The following ARHGEF17 variants were observed in gnomAD, a reference collection of about 807,000 sequenced individuals.
ARHGEF17 encodes Rho guanine nucleotide exchange factor 17.
Under a neutral mutation model 174.0 loss-of-function variants are expected in ARHGEF17, and 80 were observed. The ratio of observed to expected loss-of-function variants is 0.46; its 90% CI spans 0.38 to 0.55. ARHGEF17 has a LOEUF of 0.55. Ranked by LOEUF, ARHGEF17 falls within the 20% of genes least tolerant of loss-of-function variation. The probability of loss-of-function intolerance (pLI) is 0.00; values close to 1 mark genes in which losing one functional copy is unlikely to be tolerated. For missense variants in ARHGEF17, 2,886 were observed against 2,839.7 expected, an observed-to-expected ratio of 1.02 and a Z score of -0.37; for synonymous variants, 1,311 against 1,189.1, an observed-to-expected ratio of 1.10 and a Z score of -2.11.
At chr11:73,328,989 A>AG (rs1191292521) in intron 1 of ARHGEF17, among the ~76,000 whole-genome samples, 6 of 152,252 alleles carry the variant, frequency 3.9e-5, no homozygotes, top group Non-Finnish European at 7.4e-5. Flanking sequence ...ATGAGACGTG[A>AG]GGCTGGAGTG....
intron 7 of ARHGEF17, 62 bp from the exon 8 acceptor site, chr11:73,356,963 G>A: frequency 6.4e-7 from 1 of 1,568,304 alleles, no homozygotes; most frequent in South Asian, 1.1e-5. Context: ...GGGCACTATG[G>A]GCAGGGGGGT....
intron 3 of ARHGEF17, among the ~76,000 whole-genome samples, chr11:73,355,076 GC>G (rs1031673892): frequency 7.2e-5 from 11 of 152,250 alleles, no homozygotes; most frequent in African/African-American, 2.7e-4. Flanking sequence ...CAGCCCTGAG[GC>G]GGGGCGAGAT....
rs1400290920 is a variant in ARHGEF17 at position 73,356,327 on chromosome 11, G to T, written c.3816G>T (p.Glu1272Asp). 1.2e-6 allele frequency: 2 copies of T among 1,611,988 alleles called. No homozygotes were observed. Among genetic ancestry groups the T allele is most frequent in the Non-Finnish European group, 1.7e-6 (2 of 1,180,014 alleles). The change falls in exon 6 of 21, where the codon GAG becomes GAT. Residue 1272 changes from glutamate (E) to aspartate (D), a missense_variant. Coordinates refer to ENST00000263674, the MANE Select transcript of ARHGEF17 (RefSeq NM_014786.4). ...ATGCCCGTGTGCTGCAGGAGATAGA[G>T]GCTCACATCGAGGGCATGGAGGATG... ...ERHARVLQEI[E>D]AHIEGMEDLQ...
At chr11:73,363,594 G>T in intron 15 of ARHGEF17, 139 bp downstream of exon 15, 1 of 1,484,996 alleles carries the variant, frequency 6.7e-7, no homozygotes, top group Non-Finnish European at 9.1e-7. Context: ...GATGTCAGTG[G>T]GTCTGACAAT....
At chr11:73,319,354 G>GC (rs1864978741) in intron 1 of ARHGEF17, among the ~76,000 whole-genome samples, 1 of 151,988 alleles carries the variant, frequency 6.6e-6, no homozygotes, top group Admixed American at 6.5e-5. Flanking sequence ...GAGCCACTGC[G>GC]CCCGGCCTCC....
chr11:73,338,944 G>A (rs1186564118), intron 1 of ARHGEF17, among the ~76,000 whole-genome samples: 2 of 152,118 alleles, frequency 1.3e-5, no homozygotes, highest in African/African-American at 4.8e-5. Flanking sequence ...GTGATGGTAG[G>A]GTGCCTGGCC....
chr11:73,364,504 G>A lies in ARHGEF17; in HGVS notation c.5454G>A (p.Gly1818=). The change falls in exon 18 of 21, where the codon GGG becomes GGA. Residue 1818 remains glycine (G), a synonymous_variant. Coordinates refer to ENST00000263674, the MANE Select transcript of ARHGEF17 (RefSeq NM_014786.4). ...NFKSVTLGTQ[G]SPITKMVSVG... ...AATCAGTGACCTTGGGCACCCAGGG[G>A]AGCCCCATCACCAAGATGGTATCTG... 6.2e-7 allele frequency: 1 copy of A among 1,613,782 alleles called. No individual in the cohort carries two copies. The highest frequency in any genetic ancestry group is 1.1e-5 in the South Asian group (1 of 91,068).
intron 1 of ARHGEF17, among the ~76,000 whole-genome samples, chr11:73,338,069 T>C (rs1317026004): frequency 6.6e-6 from 1 of 152,272 alleles, no homozygotes; most frequent in East Asian, 1.9e-4. Context: ...ACTTCCCTTC[T>C]AGCTGCCTCA....
chr11:73,310,424 C>T lies in ARHGEF17; in HGVS notation c.1786C>T (p.Arg596Cys), dbSNP rs745662326. The T allele has an allele frequency of 2.5e-6, 4 of 1,613,860 alleles. No homozygotes were observed. Among genetic ancestry groups the T allele is most frequent in the African/African-American group, 1.3e-5 (1 of 74,918 alleles). The change falls in exon 1 of 21, where the codon CGC becomes TGC. Residue 596 changes from arginine to cysteine, a missense_variant. Physicochemically the swap from Arg to Cys is radical, Grantham distance 180. Around this residue, in one of 4 missense-constraint regions of ARHGEF17, gnomAD observed 1,728 missense variants for 1,461.2 expected, o/e 1.18. Transcript: ENST00000263674. Reference sequence around the variant, plus strand: ...CCAGGACCAATATGTGCAGGAGGCCCGCCAGGTTTTTGAGAAGATCCAGCG... The same window carrying T: ...CCAGGACCAATATGTGCAGGAGGCCTGCCAGGTTTTTGAGAAGATCCAGCG... ...IVQDQYVQEA[R>C]QVFEKIQRMG...
intron 1 of ARHGEF17, among the ~76,000 whole-genome samples, chr11:73,332,387 GTGTGTGTGTGTGTGTGTGTGTA>G (rs1434032906): frequency 2.4e-4 from 33 of 135,480 alleles, no homozygotes; most frequent in Admixed American, 1.0e-3. Context: ...GTGTGTGTGT[GTGTGTGTGTGTGTGTGTGTGTA>G]TTTTAAATAA....
rs1405249302 is a variant in ARHGEF17, at chr11:73,368,837, G to A, written c.*1057G>A. 1 of 152,246 alleles carries A rather than the reference G, an allele frequency of 6.6e-6. No homozygotes were observed. The highest frequency in any genetic ancestry group is 1.5e-5 in the Non-Finnish European group (1 of 68,040). The allele number at this position is 152,246 out of a possible 1,614,324, so 9.4% of individuals were successfully genotyped here. On this transcript the variant is annotated 3_prime_UTR_variant, in exon 21 of 21. Transcript: ENST00000263674. ...TTCAACAGAGAAGGCTCCCACTTGA[G>A]AGCAGCCTCTACCTGACCCCCTGGA...
chr11:73,343,509 G>A (rs987401251), intron 1 of ARHGEF17, among the ~76,000 whole-genome samples: 4 of 152,192 alleles, frequency 2.6e-5, no homozygotes, highest in African/African-American at 9.7e-5. Flanking sequence ...AGAAGTGCCT[G>A]TAGAAGCTGA....
Position 73,365,297 on chromosome 11 carries a change from T to C in ARHGEF17, c.5551-93T>C. On this transcript the variant is annotated intron_variant, in intron 18 of 20. Transcript: ENST00000263674. This position sits in a 1 kb window ranked among gnomAD's most constrained non-coding sequence, Gnocchi z 4.9. ...GACCAAGGACCAACGCTAGTGTGAG[T>C]TGTGAGGGATGGACACTGGTGAAGC... 1 of 1,434,366 alleles carries C rather than the reference T, an allele frequency of 7.0e-7. No homozygotes were observed. The highest frequency in any genetic ancestry group is 9.6e-7 in the Non-Finnish European group (1 of 1,039,172). 88.9% of individuals were successfully genotyped at this position (1,434,366 alleles called of 1,614,324 possible). A position where few individuals can be genotyped will look rare whatever the true frequency, so the allele number is the denominator to read the frequency against.
rs1864791693 is a variant in ARHGEF17 at position 73,310,212 on chromosome 11, C to T, written c.1574C>T (p.Pro525Leu). 1 of 1,614,078 alleles carries T rather than the reference C, an allele frequency of 6.2e-7. No homozygotes were observed. Among genetic ancestry groups the T allele is most frequent in the Non-Finnish European group, 8.5e-7 (1 of 1,180,038 alleles). The change falls in exon 1 of 21, where the codon CCA becomes CTA. Residue 525 changes from proline (P) to leucine (L), a missense_variant. Around this residue, in one of 4 missense-constraint regions of ARHGEF17, gnomAD observed 1,728 missense variants for 1,461.2 expected, o/e 1.18. Transcript: ENST00000263674. The part of the protein sequence containing the change: ...GQLEPIPIPA[P>L]ASPGTRPTLK... ...CTTGAACCCATACCCATCCCAGCCC[C>T]AGCATCACCTGGCACGCGCCCCACA...
Position 73,309,462 on chromosome 11 carries a change from C to T in ARHGEF17, c.824C>T (p.Ser275Leu), listed in dbSNP as rs370918079. The T allele has an allele frequency of 6.5e-6, 10 of 1,542,108 alleles. No homozygotes were observed. The highest frequency in any genetic ancestry group is 8.7e-6 in the Non-Finnish European group (10 of 1,143,260). ...CCGGCCTACCACGGCGGCCACTCCT[C>T]GGGCAGTGACGACGACCGAGACGGT... ...QSPAYHGGHSSGSDDDRDGEG... is the reference protein window; with the variant it reads ...QSPAYHGGHSLGSDDDRDGEG... Residue 275 changes from serine to leucine, a missense_variant, in exon 1 of 21, where the codon TCG (serine) becomes TTG (leucine). Physicochemically the swap from Ser to Leu is moderately radical, Grantham distance 145. This residue lies in a region of ARHGEF17 where 1,728 missense variants were observed against 1,461.2 expected (regional missense o/e 1.18). Transcript: ENST00000263674.
In ARHGEF17 at chr11:73,311,587, T is replaced by C. The variant is rs772861401; in HGVS notation, c.2949T>C (p.Ala983=). The C allele has an allele frequency of 9.9e-6, 16 of 1,613,442 alleles. No individual in the cohort carries two copies. Among genetic ancestry groups the C allele is most frequent in the Non-Finnish European group, 1.3e-5 (15 of 1,179,988 alleles). Residue 983 remains alanine, a synonymous_variant, in exon 1 of 21, where the codon GCT becomes GCC. Transcript: ENST00000263674. ...CAACTTCTGTTGGTCCCCCTGTGGC[T>C]GTGCCAGAACCCATAGGCTTCCCTA... The part of the protein sequence containing the change: ...EPPTSVGPPV[A]VPEPIGFPTR...
At chr11:73,326,334 G>A (rs570073767) in intron 1 of ARHGEF17, among the ~76,000 whole-genome samples, 24 of 152,300 alleles carry the variant, frequency 1.6e-4, no homozygotes, top group Admixed American at 1.1e-3. Flanking sequence ...TGTGTCTGGG[G>A]TACCATGAAA....
Position 73,364,443 on chromosome 11 carries a change from C to T in ARHGEF17, c.5402-9C>T. On this transcript the variant is annotated splice_polypyrimidine_tract_variant and intron_variant, in intron 17 of 20. Transcript: ENST00000263674. ...GAGTGAATTTCCTGTTTTCTTTACC[C>T]CACTCCAGGCCATTTCTGGGACCCC... 1 of 1,613,268 alleles carries T rather than the reference C, an allele frequency of 6.2e-7. No homozygotes were observed. The highest frequency in any genetic ancestry group is 8.5e-7 in the Non-Finnish European group (1 of 1,179,948).
chr11:73,363,523 G>T (rs1350412907), intron 15 of ARHGEF17, 68 bp downstream of exon 15: 4 of 1,558,738 alleles, frequency 2.6e-6, no homozygotes, highest in East Asian at 4.5e-5. Flanking sequence ...GAAATCATGT[G>T]GTCCCCTGGA....
Sources: allele counts gnomAD v4.1 joint callset (sites outside exome capture counted in the v4.1 genomes callset), GRCh38; gene constraint gnomAD v4.1.1; regional missense constraint gnomAD v4.1.1; non-coding constraint Gnocchi (gnomAD v3.1); transcripts MANE v1.5; gene names NCBI Gene and HGNC (gene_info 2026-07-23, HGNC 2026-07-21).